PTPRM: variants seen among roughly 807,000 people sequenced by gnomAD.
PTPRM encodes protein tyrosine phosphatase receptor type M, also known as receptor-type tyrosine-protein phosphatase mu.
Under a neutral mutation model 186.7 loss-of-function variants are expected in PTPRM, and 47 were observed. The observed-to-expected ratio is 0.25, with a 90% CI of 0.20 to 0.32. PTPRM has a LOEUF of 0.32. Ranked by LOEUF, PTPRM falls within the 10% of genes least tolerant of loss-of-function variation. The pLI, the probability that PTPRM is intolerant of heterozygous loss-of-function variation, is 1.00. For synonymous variants in PTPRM, 668 were observed against 674.9 expected (o/e 0.99, Z 0.16); for missense variants, 1,494 against 1,865.0 (o/e 0.80, Z 3.66).
intron 28 of PTPRM, 68 bp from the exon 29 acceptor site, chr18:8,380,227 GA>G (rs1229588993): frequency 1.3e-6 from 2 of 1,530,092 alleles, no homozygotes; most frequent in African/African-American, 2.7e-5. Context: ...CCTTCTGCAT[GA>G]AATAACCTAG....
At chr18:7,629,003 G>C (rs547649142) in intron 1 of PTPRM, among the ~76,000 whole-genome samples, 1 of 152,276 alleles carries the variant, frequency 6.6e-6, no homozygotes, top group South Asian at 2.1e-4. Context: ...GCTTTAGAGT[G>C]GTTTGAACCA....
At chr18:7,850,246 A>G (rs1179784579) in intron 2 of PTPRM, among the ~76,000 whole-genome samples, 5 of 152,240 alleles carry the variant, frequency 3.3e-5, no homozygotes, top group Admixed American at 6.5e-5. Flanking sequence ...GTGCCTTAAG[A>G]TTCTGGGCTT....
chr18:7,846,570 A>T (rs2046607776), intron 2 of PTPRM, among the ~76,000 whole-genome samples: 1 of 152,160 alleles, frequency 6.6e-6, no homozygotes, highest in South Asian at 2.1e-4. Flanking sequence ...GGAATTATGC[A>T]CAGCATGGTT....
chr18:8,218,597 A>G (rs1487642573), intron 14 of PTPRM, among the ~76,000 whole-genome samples: 1 of 152,340 alleles, frequency 6.6e-6, no homozygotes, highest in East Asian at 1.9e-4. Context: ...CTTGGGGGAC[A>G]AGGGGAGCCA....
chr18:8,143,136 T>TTG (rs202101057), intron 13 of PTPRM, among the ~76,000 whole-genome samples: 1,701 of 152,316 alleles, frequency 0.011, 16 homozygotes, highest in Non-Finnish European at 0.016. Flanking sequence ...AAAAACTCTA[T>TTG]TGTGTTAAAA....
chr18:7,950,696 G>A (rs556949767), intron 6 of PTPRM, among the ~76,000 whole-genome samples: 1 of 152,310 alleles, frequency 6.6e-6, no homozygotes, highest in South Asian at 2.1e-4. Flanking sequence ...AAAGGCCCTT[G>A]GTGGGAAGGG....
chr18:8,110,404 T>C (rs1264073355), intron 11 of PTPRM, among the ~76,000 whole-genome samples: 1 of 152,192 alleles, frequency 6.6e-6, no homozygotes, highest in Non-Finnish European at 1.5e-5. Context: ...CTAGAGTTCA[T>C]TGCCTTGAGG....
intron 3 of PTPRM, among the ~76,000 whole-genome samples, chr18:7,889,632 C>T (rs951868243): frequency 1.3e-5 from 2 of 152,032 alleles, no homozygotes; most frequent in African/African-American, 4.8e-5. Flanking sequence ...AGCCATTGTG[C>T]CCAGCTGGAT....
At chr18:7,602,104 G>C (rs1042276150) in intron 1 of PTPRM, among the ~76,000 whole-genome samples, 1 of 152,142 alleles carries the variant, frequency 6.6e-6, no homozygotes, top group Non-Finnish European at 1.5e-5. Context: ...TTAGCAAGTC[G>C]GTGACAGAAT....
intron 7 of PTPRM, among the ~76,000 whole-genome samples, chr18:8,056,488 G>A (rs574191440): frequency 1.3e-5 from 2 of 152,204 alleles, no homozygotes; most frequent in African/African-American, 4.8e-5. Context: ...CAGGCATTGT[G>A]GCAAACACCT....
chr18:8,292,495 T>TA (rs1347762455), intron 19 of PTPRM, among the ~76,000 whole-genome samples: 3 of 152,320 alleles, frequency 2.0e-5, no homozygotes, highest in South Asian at 2.1e-4. Context: ...AAGGAACACT[T>TA]ACGGAAAATG....
intron 2 of PTPRM, among the ~76,000 whole-genome samples, chr18:7,792,895 G>C (rs577553821): frequency 3.9e-4 from 59 of 152,114 alleles, no homozygotes; most frequent in African/African-American, 1.3e-3. Context: ...AAACTCTTGG[G>C]CTCAAGTAAT....
intron 5 of PTPRM, among the ~76,000 whole-genome samples, chr18:7,929,454 G>A (rs1162513274): frequency 2.6e-5 from 4 of 152,122 alleles, no homozygotes; most frequent in African/African-American, 9.7e-5. Flanking sequence ...CTGTCAAGAA[G>A]GAGATGACAC....
intron 1 of PTPRM, among the ~76,000 whole-genome samples, chr18:7,733,887 C>CTT (rs1157021092): frequency 1.2e-4 from 18 of 152,166 alleles, no homozygotes; most frequent in Admixed American, 1.1e-3. Context: ...GGCAGGTTCT[C>CTT]TTTTCTGCAC....
intron 7 of PTPRM, among the ~76,000 whole-genome samples, chr18:8,024,761 G>A (rs1568205107): frequency 6.8e-6 from 1 of 146,292 alleles, no homozygotes; most frequent in Admixed American, 7.1e-5. Context: ...TTGGCTCGGT[G>A]CAGCCTTGAC....
chr18:7,608,496 C>T (rs1258416335), intron 1 of PTPRM, among the ~76,000 whole-genome samples: 1 of 152,060 alleles, frequency 6.6e-6, no homozygotes, highest in Non-Finnish European at 1.5e-5. Flanking sequence ...ACATTGATCT[C>T]TGGAATTAAT....
intron 3 of PTPRM, among the ~76,000 whole-genome samples, chr18:7,902,882 C>T (rs1054355850): frequency 2.7e-5 from 4 of 146,070 alleles, no homozygotes; most frequent in Admixed American, 6.9e-5. Flanking sequence ...AAGGGTATGA[C>T]CCTGTATAGC....
intron 22 of PTPRM, among the ~76,000 whole-genome samples, chr18:8,336,036 A>AATAC (rs1190116406): frequency 2.0e-5 from 3 of 151,976 alleles, no homozygotes; most frequent in African/African-American, 7.3e-5. Context: ...AAAATAAATA[A>AATAC]ATAAATAAAT....
chr18:8,061,282 T>G (rs2088477687), intron 7 of PTPRM, among the ~76,000 whole-genome samples: 2 of 84,320 alleles, frequency 2.4e-5, no homozygotes, highest in Non-Finnish European at 4.8e-5. Context: ...TTGCAACCCC[T>G]GCCTTTTTTT....
Sources: gnomAD v4.1 joint callset for allele counts (sites outside exome capture counted in the v4.1 genomes callset) on GRCh38, gnomAD v4.1.1 for gene constraint, MANE v1.5 for transcripts, NCBI Gene and HGNC (gene_info 2026-07-23, HGNC 2026-07-21) for gene names.